Variants in ELP3 observed in about 807,000 individuals in gnomAD.
ELP3 encodes the protein elongator acetyltransferase complex subunit 3.
ELP3 carries 56 observed loss-of-function variants against 74.9 expected under a neutral mutation model. That is an observed-to-expected ratio of 0.75 (90% confidence interval 0.60 to 0.93). The LOEUF is 0.93. Ranked by LOEUF, ELP3 falls within the 40% of genes least tolerant of loss-of-function variation. ELP3 has a pLI of 0.00. For synonymous variants in ELP3, 222 were observed against 239.8 expected, an observed-to-expected ratio of 0.93 and a Z score of 0.68; for missense variants, 573 against 686.5, an observed-to-expected ratio of 0.83 and a Z score of 1.85.
At chr8:28,168,900 A>G (rs1315625079) in intron 14 of ELP3, among the ~76,000 whole-genome samples, 1 of 152,238 alleles carries the variant, frequency 6.6e-6, no homozygotes, top group Non-Finnish European at 1.5e-5. Flanking sequence ...AATGCTGGAA[A>G]ATATTGGTGC....
At chr8:28,106,688 T>C in intron 3 of ELP3, 25 bp from the exon 4 acceptor site, 1 of 1,601,182 alleles carries the variant, frequency 6.2e-7, no homozygotes. Flanking sequence ...CTATAATAGC[T>C]TTTTTATTCA....
intron 9 of ELP3, among the ~76,000 whole-genome samples, chr8:28,133,924 G>A (rs1812879641): frequency 1.3e-5 from 2 of 151,846 alleles, no homozygotes; most frequent in Non-Finnish European, 2.9e-5. Flanking sequence ...GGCCAAAAAG[G>A]CACCTGAAAC....
intron 7 of ELP3, among the ~76,000 whole-genome samples, chr8:28,128,485 A>C (rs369550262): frequency 6.6e-6 from 1 of 152,094 alleles, no homozygotes; most frequent in Non-Finnish European, 1.5e-5. Context: ...CAAAAAAAAA[A>C]TTGAGAGATG....
intron 14 of ELP3, among the ~76,000 whole-genome samples, chr8:28,170,564 A>G (rs963643805): frequency 1.3e-5 from 2 of 152,088 alleles, no homozygotes; most frequent in African/African-American, 2.4e-5. Context: ...CTGGCCATTT[A>G]TCTTTTTCTT....
At chr8:28,154,330 C>T (rs960064002) in intron 10 of ELP3, among the ~76,000 whole-genome samples, 10 of 152,124 alleles carry the variant, frequency 6.6e-5, no homozygotes, top group Non-Finnish European at 1.0e-4. Context: ...TTCACTAATT[C>T]AGTATTCACA....
At chr8:28,099,133 TA>T in intron 2 of ELP3, among the ~76,000 whole-genome samples, 1 of 152,366 alleles carries the variant, frequency 6.6e-6, no homozygotes, top group East Asian at 1.9e-4. Context: ...CAGATATTTC[TA>T]GATGGATTAA....
At chr8:28,140,878 T>C (rs1813210082) in intron 10 of ELP3, among the ~76,000 whole-genome samples, 1 of 152,156 alleles carries the variant, frequency 6.6e-6, no homozygotes, top group Non-Finnish European at 1.5e-5. Flanking sequence ...AGTTCAGTGT[T>C]CATGAATCAA....
At chr8:28,188,927 G>T (rs564137327) in intron 14 of ELP3, among the ~76,000 whole-genome samples, 1 of 152,158 alleles carries the variant, frequency 6.6e-6, no homozygotes, top group East Asian at 1.9e-4. Context: ...GGGGCCTTGC[G>T]CTCATCAGAG....
At chr8:28,093,454 A>G (rs1811126604) in intron 1 of ELP3, 12 of 610,368 alleles carry the variant, frequency 2.0e-5, no homozygotes, top group Admixed American at 3.1e-5. Flanking sequence ...TTTGGCAGTC[A>G]CGTGGTGTCT....
rs373304110 is a variant in ELP3, at chr8:28,161,948, T to G, written c.1486-49T>G. 4.4e-6 allele frequency: 7 copies of G among 1,592,104 alleles called. No homozygotes were observed. In the South Asian group the frequency reaches 7.8e-5, roughly 18 times the overall value. On this transcript the variant is annotated intron_variant, in intron 13 of 14. Transcript: ENST00000256398. Reference sequence around the variant, plus strand: ...TTCTTGTTTTATGGACCCCTCTTAATGAACTTCCTTCCTTTTTAATTCCCA... The same window carrying G: ...TTCTTGTTTTATGGACCCCTCTTAAGGAACTTCCTTCCTTTTTAATTCCCA...
intron 14 of ELP3, among the ~76,000 whole-genome samples, chr8:28,174,364 A>G (rs1814656842): frequency 6.6e-6 from 1 of 151,980 alleles, no homozygotes; most frequent in South Asian, 2.1e-4. Context: ...GTCTCTTGTA[A>G]CCTGTTTTGA....
chr8:28,183,349 G>C (rs1041502581), intron 14 of ELP3: 2 of 401,300 alleles, frequency 5.0e-6, no homozygotes, highest in African/African-American at 4.2e-5. Flanking sequence ...GTAGGGAAAA[G>C]GTCATGTAGG....
intron 7 of ELP3, among the ~76,000 whole-genome samples, chr8:28,126,696 A>G (rs930786434): frequency 1.3e-5 from 2 of 152,334 alleles, no homozygotes; most frequent in South Asian, 2.1e-4. Context: ...AGCTACCTAA[A>G]TGATACAGGG....
upstream of ELP3, among the ~76,000 whole-genome samples, chr8:28,092,664 C>T (rs534846518): frequency 1.6e-4 from 24 of 148,748 alleles, 1 homozygote; most frequent in Middle Eastern, 3.5e-3. Flanking sequence ...ACCAAGGTGA[C>T]CACCTGGTCC....
intron 14 of ELP3, among the ~76,000 whole-genome samples, chr8:28,165,849 C>A (rs991297087): frequency 1.3e-5 from 2 of 152,094 alleles, no homozygotes; most frequent in African/African-American, 4.8e-5. Context: ...TGTGCTACTT[C>A]AGTAGACTTT....
chr8:28,129,783 C>T, intron 8 of ELP3, 120 bp downstream of exon 8: 1 of 1,126,794 alleles, frequency 8.9e-7, no homozygotes. Context: ...GGGTATTCCT[C>T]CTTTTCAGAG....
At chr8:28,169,463 A>G (rs1349526507) in intron 14 of ELP3, among the ~76,000 whole-genome samples, 2 of 152,064 alleles carry the variant, frequency 1.3e-5, no homozygotes, top group East Asian at 3.9e-4. Context: ...GTGTGTCTGA[A>G]GTTTCAGTTC....
At chr8:28,097,714 G>A (rs774208731) in intron 2 of ELP3, among the ~76,000 whole-genome samples, 9 of 152,030 alleles carry the variant, frequency 5.9e-5, no homozygotes, top group Non-Finnish European at 8.8e-5. Flanking sequence ...TTTCTTGATG[G>A]CAAAATTGTC....
chr8:28,155,519 G>A (rs1813790857), intron 10 of ELP3, among the ~76,000 whole-genome samples: 2 of 152,200 alleles, frequency 1.3e-5, no homozygotes, highest in Admixed American at 6.5e-5. Context: ...GAGCATCCCA[G>A]TTACTTGTCA....
Sources: gnomAD v4.1 joint callset for allele counts (sites outside exome capture counted in the v4.1 genomes callset) on GRCh38, gnomAD v4.1.1 for gene constraint, MANE v1.5 for transcripts, NCBI Gene and HGNC (gene_info 2026-07-23, HGNC 2026-07-21) for gene names.